Variants in TICAM2 observed in about 807,000 individuals in gnomAD.
TICAM2 encodes the protein TIR domain containing adaptor molecule 2.
In TICAM2, 8 loss-of-function variants were observed where a neutral mutation model predicts 7.3. The observed-to-expected ratio is 1.10, with a 90% CI of 0.65 to 1.99. TICAM2 has a LOEUF of 1.99. Among genes scored for constraint, TICAM2 ranks in the 30% most tolerant of loss-of-function variants. TICAM2 has a pLI of 0.00. For synonymous variants in TICAM2, 113 were observed against 99.6 expected (o/e 1.13, Z -0.80); for missense variants, 304 against 278.8 (o/e 1.09, Z -0.65).
In TICAM2 at chr5:115,581,314, A is replaced by G. The variant is rs1216726732; in HGVS notation, c.-58T>C. ...ATGTATTTCTCAGCATTTCTTTTCA[A>G]TCTAAAAGAAGTAACAAAACAGAAG... On this transcript the variant is annotated splice_region_variant and 5_prime_UTR_variant, in exon 2 of 2. Coordinates refer to ENST00000427199, the MANE Select transcript of TICAM2 (RefSeq NM_021649.7). 1 of 1,596,346 alleles carries G rather than the reference A, an allele frequency of 6.3e-7. No individual in the cohort carries two copies. The highest frequency in any genetic ancestry group is 8.5e-7 in the Non-Finnish European group (1 of 1,178,330).
At position 115,581,081 on chromosome 5, in the gene TICAM2, T is replaced by C; in HGVS notation, c.176A>G (p.Gln59Arg). The C allele has an allele frequency of 1.2e-6, 2 of 1,614,206 alleles. No individual in the cohort carries two copies. The highest frequency in any genetic ancestry group is 2.2e-5 in the South Asian group (2 of 91,086). The change falls in exon 2 of 2, where the codon CAG becomes CGG. Residue 59 changes from glutamine to arginine, a missense_variant. Gln to Arg is a conservative substitution (Grantham distance 43). Transcript: ENST00000427199. ...SNTTEGPTGK[Q>R]EGAQSVEEMF... ...CTCTTCCACGCTCTGAGCTCCCTCC[T>C]GCTTTCCTGTTGGCCCCTCTGTTGT...
chr5:115,597,655 A>G (rs1251642860), intron 1 of TICAM2, among the ~76,000 whole-genome samples: 2 of 152,238 alleles, frequency 1.3e-5, no homozygotes, highest in South Asian at 2.1e-4. Flanking sequence ...AATAGATTAG[A>G]AAGAAGTACT....
chr5:115,581,385 C>G, intron 1 of TICAM2, 70 bp from the exon 2 acceptor site: 1 of 1,470,200 alleles, frequency 6.8e-7, no homozygotes, highest in Non-Finnish European at 9.1e-7. Context: ...AACTTTCATT[C>G]AAACTGAAAA....
chr5:115,581,591 T>C, intron 1 of TICAM2: 1 of 353,848 alleles, frequency 2.8e-6, no homozygotes, highest in Non-Finnish European at 5.1e-6. Context: ...ACTACAAACC[T>C]CCAGATTGAA....
Position 115,581,125 on chromosome 5 carries a change from A to G in TICAM2, c.132T>C (p.Asn44=). 1 of 1,614,152 alleles carries G rather than the reference A, an allele frequency of 6.2e-7. No homozygotes were observed. Among genetic ancestry groups the G allele is most frequent in the Non-Finnish European group, 8.5e-7 (1 of 1,180,034 alleles). The part of the protein sequence containing the change: ...SKKSEDLSLC[N]VAEHSNTTEG... ...CTGTTGTATTGCTGTGCTCAGCAACATTACACAAGGATAGATCTTCAGACT... is the reference window on the plus strand; with the variant it reads ...CTGTTGTATTGCTGTGCTCAGCAACGTTACACAAGGATAGATCTTCAGACT... Residue 44 remains asparagine (N), a synonymous_variant, in exon 2 of 2, where the codon AAT becomes AAC. Coordinates refer to ENST00000427199, the MANE Select transcript of TICAM2 (RefSeq NM_021649.7).
intron 1 of TICAM2, among the ~76,000 whole-genome samples, chr5:115,600,874 AG>A (rs1561580345): frequency 1.3e-5 from 2 of 152,202 alleles, no homozygotes; most frequent in African/African-American, 4.8e-5. Flanking sequence ...TGTGTGGTCT[AG>A]GGGGGATTAA....
intron 1 of TICAM2, among the ~76,000 whole-genome samples, chr5:115,583,147 TA>T (rs951390499): frequency 6.6e-6 from 1 of 150,952 alleles, no homozygotes; most frequent in African/African-American, 2.4e-5. Flanking sequence ...TACTGCATCG[TA>T]AAAAAAAAGG....
intron 1 of TICAM2, among the ~76,000 whole-genome samples, chr5:115,600,767 G>C (rs1426153967): frequency 6.6e-6 from 1 of 152,122 alleles, no homozygotes; most frequent in Non-Finnish European, 1.5e-5. Flanking sequence ...GGAAGAAACA[G>C]GGAAAATGAA....
chr5:115,582,338 GTTTTTTTTT>G (rs78204537), intron 1 of TICAM2, among the ~76,000 whole-genome samples: 1 of 128,826 alleles, frequency 7.8e-6, no homozygotes, highest in East Asian at 2.2e-4. Flanking sequence ...TTTTTTTTTG[GTTTTTTTTT>G]TTTTTTGGTA....
intron 1 of TICAM2, among the ~76,000 whole-genome samples, chr5:115,583,259 C>T (rs1754993603): frequency 6.6e-6 from 1 of 152,170 alleles, no homozygotes; most frequent in African/African-American, 2.4e-5. Context: ...AAATGATCTA[C>T]ACTTATCACT....
In TICAM2 at chr5:115,580,724, T is replaced by C. The variant is rs1416627658; in HGVS notation, c.533A>G (p.Asn178Ser). 1 of 1,601,184 alleles carries C rather than the reference T, an allele frequency of 6.2e-7. No individual in the cohort carries two copies. Among genetic ancestry groups the C allele is most frequent in the East Asian group, 2.2e-5 (1 of 44,792 alleles). The part of the protein sequence containing the change: ...NSVIPMRPLN[N>S]PLPRERTPFA... ...GGGAGTCCTTTCTCGGGGAAGGGGA[T>C]TGTTCAGGGGCCGCATGGGTATAAC... Residue 178 changes from asparagine (N) to serine (S), a missense_variant, in exon 2 of 2, where the codon AAT becomes AGT. Asn to Ser is a conservative substitution (Grantham distance 46). Coordinates refer to ENST00000427199, the MANE Select transcript of TICAM2 (RefSeq NM_021649.7).
In TICAM2 at chr5:115,581,133, A is replaced by C. The variant is rs1754907327; in HGVS notation, c.124T>G (p.Leu42Val). The C allele has an allele frequency of 1.2e-6, 2 of 1,614,026 alleles. No individual in the cohort carries two copies. Among genetic ancestry groups the C allele is most frequent in the Non-Finnish European group, 1.7e-6 (2 of 1,180,040 alleles). Residue 42 changes from leucine (L) to valine (V), a missense_variant, in exon 2 of 2, where the codon TTG (leucine) becomes GTG (valine). By Grantham distance (32) the Leu-to-Val change is conservative (BLOSUM62 1). Coordinates refer to ENST00000427199, the MANE Select transcript of TICAM2 (RefSeq NM_021649.7). The part of the protein sequence containing the change: ...SDSKKSEDLS[L>V]CNVAEHSNTT... ...TTGCTGTGCTCAGCAACATTACACA[A>C]GGATAGATCTTCAGACTTCTTGGAA...
In TICAM2 at chr5:115,580,645, T is replaced by G; in HGVS notation, c.612A>C (p.Thr204=). Residue 204 remains threonine (T), a synonymous_variant, in exon 2 of 2, where the codon ACA becomes ACC. Transcript: ENST00000427199. ...ALEEESRGFP[T]QVERIFQESV... The stretch of plus-strand genomic sequence containing the variant: ...ACTCCTGAAAAATTCTTTCTACTTG[T>G]GTAGGAAATCCACGACTTTCTTCCT... 1 of 1,582,760 alleles carries G rather than the reference T, an allele frequency of 6.3e-7. No individual in the cohort carries two copies.
intron 1 of TICAM2, among the ~76,000 whole-genome samples, chr5:115,592,204 T>C (rs1044789720): frequency 5.9e-5 from 9 of 152,238 alleles, no homozygotes; most frequent in Non-Finnish European, 1.5e-5. Flanking sequence ...ATCTCAGTGA[T>C]GATCTTGCAG....
chr5:115,583,009 T>C (rs572845268), intron 1 of TICAM2, among the ~76,000 whole-genome samples: 3 of 152,344 alleles, frequency 2.0e-5, no homozygotes, highest in South Asian at 4.1e-4. Context: ...CCACGGTATA[T>C]TGTGCTAGTT....
intron 1 of TICAM2, among the ~76,000 whole-genome samples, chr5:115,583,390 CA>C (rs1351216417): frequency 6.6e-6 from 1 of 152,144 alleles, no homozygotes; most frequent in Non-Finnish European, 1.5e-5. Context: ...AGGCAGATCA[CA>C]AAATCTTTTA....
chr5:115,583,190 T>C (rs1405352185), intron 1 of TICAM2, among the ~76,000 whole-genome samples: 9 of 152,200 alleles, frequency 5.9e-5, no homozygotes, highest in African/African-American at 2.2e-4. Context: ...GAAAGAAGTT[T>C]CCCCTGAATG....
chr5:115,602,095 G>A lies in TICAM2; in HGVS notation n.93+2C>T, dbSNP rs966168070. 2.6e-5 allele frequency: 4 copies of A among 151,988 alleles called. No homozygotes were observed. Among genetic ancestry groups the A allele is most frequent in the Non-Finnish European group, 2.9e-5 (2 of 68,092 alleles). The allele number at this position is 151,988 out of a possible 1,614,324, so 9.4% of individuals were successfully genotyped here. A position where few individuals can be genotyped will look rare whatever the true frequency, so the allele number is the denominator to read the frequency against. ...GCCCCCGCCCTAGCGCCCGGTACTT[G>A]CCTGCAGGCGAGCGCCACCACAGTC... On this transcript the variant is annotated splice_donor_variant and non_coding_transcript_variant, in intron 1 of 1. Coordinates refer to the TICAM2 transcript ENST00000513729.
At chr5:115,585,985 T>C (rs902938892) in intron 1 of TICAM2, among the ~76,000 whole-genome samples, 4 of 152,162 alleles carry the variant, frequency 2.6e-5, no homozygotes, top group African/African-American at 7.2e-5. Flanking sequence ...ATTTTGAAAG[T>C]AGAACTGAGA....
Sources: allele counts gnomAD v4.1 joint callset (sites outside exome capture counted in the v4.1 genomes callset), GRCh38; gene constraint gnomAD v4.1.1; transcripts MANE v1.5; gene names NCBI Gene and HGNC (gene_info 2026-07-23, HGNC 2026-07-21).